NKAIN3: variants seen among roughly 807,000 people sequenced by gnomAD.
The protein encoded by NKAIN3 is sodium/potassium transporting ATPase interacting 3.
Under a neutral mutation model 30.2 loss-of-function variants are expected in NKAIN3, and 25 were observed. That is an observed-to-expected ratio of 0.83 (90% CI 0.60 to 1.16). The LOEUF (loss-of-function observed/expected upper bound fraction) is 1.16. Ranked by LOEUF, NKAIN3 falls within the 50% of genes most tolerant of loss-of-function variation. NKAIN3 has a pLI of 0.00. For missense variants in NKAIN3, 225 were observed against 254.1 expected (o/e 0.89, Z 0.78); for synonymous variants, 91 against 89.6 (o/e 1.02, Z -0.09).
chr8:62,798,241 T>C (rs1817930147), intron 4 of NKAIN3, among the ~76,000 whole-genome samples: 2 of 152,112 alleles, frequency 1.3e-5, no homozygotes, highest in Admixed American at 1.3e-4. Flanking sequence ...GCATCTCCTG[T>C]TGGGTTGCCG....
intron 3 of NKAIN3, among the ~76,000 whole-genome samples, chr8:62,731,699 A>C (rs889964486): frequency 6.6e-6 from 1 of 152,142 alleles, no homozygotes; most frequent in Admixed American, 6.5e-5. Flanking sequence ...CGCAAAAGCC[A>C]GTGCCCTTTG....
At position 62,894,321 on chromosome 8, in the gene NKAIN3, G is replaced by C. The variant is rs200684677; in HGVS notation, c.472-24132G>C. Among the ~76,000 whole-genome samples the C allele has an allele frequency of 7.9e-5, 12 of 152,196 alleles. No homozygotes were observed. In the East Asian group the frequency reaches 2.3e-3, roughly 29 times the overall value. On this transcript the variant is annotated intron_variant, in intron 4 of 6. Transcript: ENST00000623646. ...GGTCCATTTTCACCTTTAGTGAAAA[G>C]AAAATATCACTGAAAGGATTTGAAA...
chr8:62,788,006 T>A (rs1817578933), intron 4 of NKAIN3, among the ~76,000 whole-genome samples: 1 of 142,982 alleles, frequency 7.0e-6, no homozygotes, highest in Admixed American at 7.3e-5. Context: ...GCATGTGTCT[T>A]TATAGCAGCA....
intron 5 of NKAIN3, among the ~76,000 whole-genome samples, chr8:62,919,444 A>G (rs1822210757): frequency 6.6e-6 from 1 of 151,212 alleles, no homozygotes; most frequent in South Asian, 2.1e-4. Flanking sequence ...AAGGGGTTTC[A>G]CCGTGTTAGC....
intron 4 of NKAIN3, among the ~76,000 whole-genome samples, chr8:62,778,823 C>T (rs1438113562): frequency 1.3e-5 from 2 of 152,006 alleles, no homozygotes; most frequent in African/African-American, 4.8e-5. Flanking sequence ...CTGGGTCACA[C>T]CTGAAGCCAG....
intron 1 of NKAIN3, among the ~76,000 whole-genome samples, chr8:62,388,205 C>G (rs534191625): frequency 6.6e-6 from 1 of 152,204 alleles, no homozygotes; most frequent in Admixed American, 6.5e-5. Context: ...GTGTGAAAAT[C>G]CACCTGTTAT....
intron 3 of NKAIN3, among the ~76,000 whole-genome samples, chr8:62,636,802 A>G (rs1022807188): frequency 8.5e-5 from 13 of 152,212 alleles, no homozygotes; most frequent in Non-Finnish European, 1.8e-4. Context: ...AGAAATCCCA[A>G]TTAATCTTAT....
At chr8:62,697,251 C>A (rs752334416) in intron 3 of NKAIN3, among the ~76,000 whole-genome samples, 8 of 152,150 alleles carry the variant, frequency 5.3e-5, no homozygotes, top group Non-Finnish European at 1.0e-4. Flanking sequence ...TCCCCACTAC[C>A]TCCCTAGCCT....
At chr8:62,840,301 T>G (rs1246116877) in intron 4 of NKAIN3, among the ~76,000 whole-genome samples, 1 of 151,998 alleles carries the variant, frequency 6.6e-6, no homozygotes, top group Non-Finnish European at 1.5e-5. Flanking sequence ...TATACCATTG[T>G]TCAACATAGT....
intron 1 of NKAIN3, among the ~76,000 whole-genome samples, chr8:62,261,799 C>T (rs994715738): frequency 2.0e-5 from 3 of 152,142 alleles, no homozygotes; most frequent in Admixed American, 6.5e-5. Flanking sequence ...TGTTACAATG[C>T]GGAACAAAAT....
At chr8:62,475,959 G>A (rs1307781709) in intron 1 of NKAIN3, among the ~76,000 whole-genome samples, 1 of 152,146 alleles carries the variant, frequency 6.6e-6, no homozygotes, top group African/African-American at 2.4e-5. Flanking sequence ...CTCCACTTCT[G>A]TGAAATAACA....
chr8:62,678,355 G>A (rs183873396), intron 3 of NKAIN3, among the ~76,000 whole-genome samples: 16 of 152,250 alleles, frequency 1.1e-4, no homozygotes, highest in South Asian at 1.0e-3. Flanking sequence ...ACACTGGGTA[G>A]ACATTTTTAA....
intron 1 of NKAIN3, chr8:62,473,265 A>G (rs1374711359): frequency 3.3e-5 from 5 of 152,234 alleles, no homozygotes; most frequent in Non-Finnish European, 7.3e-5. Flanking sequence ...AAGTTGCTTC[A>G]AATAAACATG....
chr8:62,319,395 G>A (rs1814788933), intron 1 of NKAIN3, among the ~76,000 whole-genome samples: 1 of 151,970 alleles, frequency 6.6e-6, no homozygotes, highest in Non-Finnish European at 1.5e-5. Context: ...GTTTGCTCTT[G>A]TTTCTCTAGT....
intron 5 of NKAIN3, among the ~76,000 whole-genome samples, chr8:62,993,705 T>G (rs566167804): frequency 6.6e-6 from 1 of 152,300 alleles, no homozygotes; most frequent in African/African-American, 2.4e-5. Context: ...GTTGGAAGGA[T>G]GGAAATGAGA....
intron 1 of NKAIN3, among the ~76,000 whole-genome samples, chr8:62,334,998 C>G (rs1446653363): frequency 6.6e-6 from 1 of 152,044 alleles, no homozygotes; most frequent in Non-Finnish European, 1.5e-5. Context: ...GGCCCCCAAA[C>G]TGGCACAGCA....
chr8:62,684,881 G>C (rs1342066780), intron 3 of NKAIN3, among the ~76,000 whole-genome samples: 2 of 152,100 alleles, frequency 1.3e-5, no homozygotes, highest in Admixed American at 6.6e-5. Context: ...CAAGTTGAGA[G>C]TTCCTCAGAA....
At chr8:62,726,652 C>T (rs780004164) in intron 3 of NKAIN3, among the ~76,000 whole-genome samples, 5 of 151,792 alleles carry the variant, frequency 3.3e-5, no homozygotes, top group Non-Finnish European at 5.9e-5. Flanking sequence ...ATCTTTACAT[C>T]CTTATATTTA....
rs149635165 is a variant in NKAIN3 at position 62,976,360 on chromosome 8, G to A, written c.*10953G>A. ...CTCTAAGAACTTGCTTTATGAATCT[G>A]GGTGCTCCACTATTAGGTGCATACA... On this transcript the variant is annotated 3_prime_UTR_variant, in exon 7 of 7. Coordinates refer to ENST00000623646, the MANE Select transcript of NKAIN3 (RefSeq NM_001304533.3). Among the ~76,000 whole-genome samples, 2,708 of 152,110 alleles carry A rather than the reference G, an allele frequency of 0.018. 89 individuals are homozygous for A. Among genetic ancestry groups the A allele is most frequent in the African/African-American group, 0.061 (2,517 of 41,482 alleles).
Sources: gnomAD v4.1 joint callset for allele counts (sites outside exome capture counted in the v4.1 genomes callset) on GRCh38, gnomAD v4.1.1 for gene constraint, MANE v1.5 for transcripts, NCBI Gene and HGNC (gene_info 2026-07-23, HGNC 2026-07-21) for gene names.